GANAB: variants seen among roughly 807,000 people sequenced by gnomAD.
GANAB encodes glucosidase II alpha subunit.
GANAB carries 35 observed loss-of-function variants against 129.9 expected under a neutral mutation model. The ratio of observed to expected loss-of-function variants is 0.27; its 90% CI spans 0.21 to 0.36. The LOEUF is 0.36. Among genes scored for constraint, GANAB ranks in the 10% least tolerant of loss-of-function variants. The probability of loss-of-function intolerance (pLI) is 1.00; values close to 1 mark genes in which losing one functional copy is unlikely to be tolerated. For missense variants in GANAB, 939 were observed against 1,221.0 expected, an observed-to-expected ratio of 0.77 and a Z score of 3.44; for synonymous variants, 482 against 451.8, an observed-to-expected ratio of 1.07 and a Z score of -0.85.
chr11:62,632,969 C>A, intron 8 of GANAB, 36 bp downstream of exon 8: 2 of 1,295,136 alleles, frequency 1.5e-6, no homozygotes, highest in South Asian at 1.2e-5. Context: ...TCCTTCCTGC[C>A]CACCTCCATC....
chr11:62,631,366 A>G (rs1044937230), intron 9 of GANAB, among the ~76,000 whole-genome samples, 183 bp from the exon 10 acceptor site: 1 of 151,882 alleles, frequency 6.6e-6, no homozygotes, highest in Admixed American at 6.6e-5. Context: ...AAAGCAGTAC[A>G]GCCCCCACCC....
intron 8 of GANAB, 57 bp downstream of exon 8, chr11:62,632,948 A>G: frequency 9.0e-7 from 1 of 1,108,776 alleles, no homozygotes; most frequent in South Asian, 1.2e-5. Flanking sequence ...CCATCTCCCT[A>G]AAGGCCTGAC....
chr11:62,635,942 AT>A (rs1324589848), intron 4 of GANAB, among the ~76,000 whole-genome samples: 1 of 151,922 alleles, frequency 6.6e-6, no homozygotes, highest in Non-Finnish European at 1.5e-5. Context: ...TTGATATCAT[AT>A]TTCTATCTAA....
intron 4 of GANAB, among the ~76,000 whole-genome samples, chr11:62,636,592 G>A (rs569702264): frequency 4.3e-4 from 66 of 152,298 alleles, no homozygotes; most frequent in African/African-American, 1.4e-3. Flanking sequence ...CGAGGCAGGT[G>A]GATCATGAGG....
At chr11:62,632,493 C>T in intron 9 of GANAB, 72 bp downstream of exon 9, 3 of 1,185,146 alleles carry the variant, frequency 2.5e-6, no homozygotes, top group Non-Finnish European at 3.7e-6. Flanking sequence ...TAGCTAATGC[C>T]CCTAGTATAC....
intron 4 of GANAB, among the ~76,000 whole-genome samples, chr11:62,636,380 C>T (rs760852597): frequency 9.9e-5 from 15 of 151,958 alleles, no homozygotes; most frequent in Admixed American, 9.2e-4. Flanking sequence ...GCAGGTGGAT[C>T]GCTTGAGCCC....
At chr11:62,646,318 G>A (rs1944480030) in intron 1 of GANAB, among the ~76,000 whole-genome samples, 1 of 152,250 alleles carries the variant, frequency 6.6e-6, no homozygotes, top group African/African-American at 2.4e-5. Flanking sequence ...GACCAAGAAA[G>A]ACGCACAGCT....
In GANAB at chr11:62,625,656, C is replaced by T; in HGVS notation, c.*159G>A. 1.6e-6 allele frequency: 1 copy of T among 618,342 alleles called. No individual in the cohort carries two copies. Among genetic ancestry groups the T allele is most frequent in the East Asian group, 2.8e-5 (1 of 36,322 alleles). 38.3% of individuals were successfully genotyped at this position (618,342 alleles called of 1,614,324 possible). The stretch of plus-strand genomic sequence containing the variant: ...GAGATCACAAGAGGAATTTGGAGCC[C>T]AGGGTCAGCCCTCTCATCCTGCCCA... On this transcript the variant is annotated 3_prime_UTR_variant, in exon 24 of 24. Transcript: ENST00000356638.
Position 62,627,089 on chromosome 11 carries a change from C to G in GANAB, c.2281G>C (p.Gly761Arg), listed in dbSNP as rs1462840762. The change falls in exon 19 of 24, where the codon GGA becomes CGA. Residue 761 changes from glycine to arginine, a missense_variant. Gly to Arg is a moderately radical substitution (Grantham distance 125). This residue lies in a region of GANAB where 230 missense variants were observed against 259.9 expected (regional missense o/e 0.89). Transcript: ENST00000356638. ...AGATAGACCTGGACACCATGGGCTC[C>G]AGAGTCTGATACAGGGTGAACCAGC... ...ALLVHPVSDS[G>R]AHGVQVYLPG... 2.5e-6 allele frequency: 4 copies of G among 1,614,070 alleles called. No individual in the cohort carries two copies. Among genetic ancestry groups the G allele is most frequent in the Non-Finnish European group, 3.4e-6 (4 of 1,179,938 alleles).
rs775535018 is a variant in GANAB at position 62,629,184 on chromosome 11, CCT to C, written c.1936+8_1936+9del. The C allele has an allele frequency of 2.1e-5, 34 of 1,598,860 alleles. No homozygotes were observed. The highest frequency in any genetic ancestry group is 9.9e-5 in the South Asian group (9 of 90,770). ...ACCAAACCAAGACCCCAAATTCCTCCCTGTCTTACCCCCACAGAAGGAAAGTC... is the reference window on the plus strand; with the variant it reads ...ACCAAACCAAGACCCCAAATTCCTCCGTCTTACCCCCACAGAAGGAAAGTC... On this transcript the variant is annotated splice_region_variant and intron_variant, in intron 16 of 23. Coordinates refer to ENST00000356638, the MANE Select transcript of GANAB (RefSeq NM_198334.3).
intron 17 of GANAB, 94 bp from the exon 18 acceptor site, chr11:62,627,447 A>T (rs1943447826): frequency 1.3e-6 from 1 of 750,312 alleles, no homozygotes; most frequent in African/African-American, 1.7e-5. Flanking sequence ...AAAGAACAGC[A>T]TAGGCCGGGT....
intron 15 of GANAB, 45 bp from the exon 16 acceptor site, chr11:62,629,340 T>G (rs1943552350): frequency 1.5e-6 from 2 of 1,367,354 alleles, no homozygotes; most frequent in African/African-American, 2.8e-5. Flanking sequence ...GTAAAGGAGT[T>G]CAGCTTTTTA....
rs760001296 is a variant in GANAB, at chr11:62,630,510, G to A, written c.1387-5C>T. On this transcript the variant is annotated splice_region_variant and splice_polypyrimidine_tract_variant and intron_variant, in intron 11 of 23. Coordinates refer to ENST00000356638, the MANE Select transcript of GANAB (RefSeq NM_198334.3). ...GGGGTCTACGATGGCCACCAGCTGG[G>A]GGCAAGGAACAGGGGTGTTCAGGTC... The A allele has an allele frequency of 6.2e-7, 1 of 1,614,150 alleles. No homozygotes were observed. The highest frequency in any genetic ancestry group is 8.5e-7 in the Non-Finnish European group (1 of 1,180,036).
intron 19 of GANAB, 29 bp from the exon 20 acceptor site, chr11:62,626,963 G>C: frequency 6.3e-7 from 1 of 1,585,200 alleles, no homozygotes; most frequent in Non-Finnish European, 8.7e-7. Context: ...GTAAGATACC[G>C]GATCACTCAG....
At position 62,627,073 on chromosome 11, in the gene GANAB, T is replaced by G. The variant is rs1490725235; in HGVS notation, c.2297A>C (p.Gln766Pro). ...CTCCCCTTGGCCAGGCAGATAGACCTGGACACCATGGGCTCCAGAGTCTGA... is the reference window on the plus strand; with the variant it reads ...CTCCCCTTGGCCAGGCAGATAGACCGGGACACCATGGGCTCCAGAGTCTGA... ...PVSDSGAHGV[Q>P]VYLPGQGEVW... Residue 766 changes from glutamine (Q) to proline (P), a missense_variant, in exon 19 of 24, where the codon CAG becomes CCG. Physicochemically the swap from Gln to Pro is moderately conservative, Grantham distance 76 (BLOSUM62 -1). Transcript: ENST00000356638. 6.2e-7 allele frequency: 1 copy of G among 1,613,938 alleles called. No homozygotes were observed. Among genetic ancestry groups the G allele is most frequent in the South Asian group, 1.1e-5 (1 of 91,066 alleles).
chr11:62,630,281 G>C lies in GANAB; in HGVS notation c.1514-5C>G, dbSNP rs1244218630. 4.3e-6 allele frequency: 7 copies of C among 1,613,226 alleles called. No homozygotes were observed. The highest frequency in any genetic ancestry group is 5.9e-6 in the Non-Finnish European group (7 of 1,179,530). On this transcript the variant is annotated splice_region_variant and splice_polypyrimidine_tract_variant and intron_variant, in intron 12 of 23. Transcript: ENST00000356638. ...AGTCAGGGTAACCAGCTGAGCCTGG[G>C]AGAAGTTAAGGGTGGCTCTCAATCC...
intron 1 of GANAB, among the ~76,000 whole-genome samples, chr11:62,643,469 C>G (rs1331121804): frequency 6.6e-6 from 1 of 152,014 alleles, no homozygotes; most frequent in African/African-American, 2.4e-5. Flanking sequence ...GAAACCCCGT[C>G]TCTACTAAAA....
chr11:62,638,972 G>A lies in GANAB; in HGVS notation c.380+11C>T. On this transcript the variant is annotated intron_variant, in intron 4 of 23. Coordinates refer to ENST00000356638, the MANE Select transcript of GANAB (RefSeq NM_198334.3). ...GGCCACAGAAATGGATGTTTCTCAGGAAAAATTTACCGGGCTATTGGTGGA... is the reference window on the plus strand; with the variant it reads ...GGCCACAGAAATGGATGTTTCTCAGAAAAAATTTACCGGGCTATTGGTGGA... The A allele has an allele frequency of 6.2e-7, 1 of 1,612,118 alleles. No individual in the cohort carries two copies. The highest frequency in any genetic ancestry group is 1.3e-5 in the African/African-American group (1 of 74,870).
chr11:62,629,691 G>A lies in GANAB; in HGVS notation c.1738-7C>T. The A allele has an allele frequency of 1.1e-5, 17 of 1,610,808 alleles. No homozygotes were observed. The highest frequency in any genetic ancestry group is 1.4e-5 in the Non-Finnish European group (16 of 1,177,486). On this transcript the variant is annotated splice_polypyrimidine_tract_variant and splice_region_variant and intron_variant, in intron 14 of 23. Transcript: ENST00000356638. The stretch of plus-strand genomic sequence containing the variant: ...CATCAGCAGTCGCCATGTGCTGGGT[G>A]AGGAGAGAAGAGACGGGTAGTGAGG...
Sources: allele counts gnomAD v4.1 joint callset (sites outside exome capture counted in the v4.1 genomes callset), GRCh38; gene constraint gnomAD v4.1.1; regional missense constraint gnomAD v4.1.1; transcripts MANE v1.5; gene names NCBI Gene and HGNC (gene_info 2026-07-23, HGNC 2026-07-21).